The following PRR16 variants were observed in gnomAD, a reference collection of about 807,000 sequenced individuals.
PRR16 encodes proline rich 16.
A neutral mutation model predicts 18.2 loss-of-function variants in PRR16; 6 were observed. That is an observed-to-expected ratio of 0.33 (90% confidence interval 0.18 to 0.65). The LOEUF (loss-of-function observed/expected upper bound fraction) is 0.65. Among genes scored for constraint, PRR16 ranks in the 30% least tolerant of loss-of-function variants. PRR16 has a pLI of 0.74. For missense variants in PRR16, 412 were observed against 376.6 expected, an observed-to-expected ratio of 1.09 and a Z score of -0.78; for synonymous variants, 151 against 147.8, an observed-to-expected ratio of 1.02 and a Z score of -0.16.
chr5:120,628,334 T>C (rs775037469), intron 1 of PRR16, among the ~76,000 whole-genome samples: 1 of 152,084 alleles, frequency 6.6e-6, no homozygotes, highest in Non-Finnish European at 1.5e-5. Context: ...TTTTTAGATA[T>C]AAGTGAGACT....
intron 1 of PRR16, among the ~76,000 whole-genome samples, chr5:120,516,096 C>A (rs1750979611): frequency 6.6e-6 from 1 of 152,056 alleles, no homozygotes; most frequent in East Asian, 1.9e-4. Context: ...TGAAAATTTT[C>A]TGCTAGAAAG....
At chr5:120,487,606 G>T (rs1749857030) in intron 1 of PRR16, among the ~76,000 whole-genome samples, 1 of 152,148 alleles carries the variant, frequency 6.6e-6, no homozygotes, top group African/African-American at 2.4e-5. Context: ...GGGACAATTT[G>T]ACTTCCTCTT....
chr5:120,760,505 C>T, the PRR16 span, among the ~76,000 whole-genome samples: 1 of 151,878 alleles, frequency 6.6e-6, no homozygotes, highest in African/African-American at 2.4e-5. Context: ...AAACAAGAAA[C>T]CCCTTGTTTT....
At chr5:120,748,701 G>A in the PRR16 span, among the ~76,000 whole-genome samples, 1 of 152,004 alleles carries the variant, frequency 6.6e-6, no homozygotes, top group African/African-American at 2.4e-5. Context: ...CATTTAATAG[G>A]TAACATGTCA....
chr5:120,561,535 A>G (rs906800849), intron 1 of PRR16, among the ~76,000 whole-genome samples: 77 of 152,276 alleles, frequency 5.1e-4, no homozygotes, highest in African/African-American at 1.8e-3. Context: ...GTTCCCTAAC[A>G]TACAGTCTGT....
At chr5:120,730,051 A>G in the PRR16 span, among the ~76,000 whole-genome samples, 30,851 of 152,086 alleles carry the variant, frequency 0.2, 3,839 homozygotes, top group Non-Finnish European at 0.27. Context: ...TGAGACGTCA[A>G]CCAGAAATGT....
the PRR16 span, among the ~76,000 whole-genome samples, chr5:120,718,366 G>C: frequency 6.6e-6 from 1 of 152,068 alleles, no homozygotes; most frequent in African/African-American, 2.4e-5. Context: ...TCTGGGAATG[G>C]TGGTTCAGGA....
intron 1 of PRR16, among the ~76,000 whole-genome samples, chr5:120,662,978 C>A (rs982254292): frequency 2.0e-4 from 30 of 152,142 alleles, no homozygotes; most frequent in Admixed American, 1.7e-3. Context: ...AAATGTCTTT[C>A]TGTGTTGTAT....
the PRR16 span, among the ~76,000 whole-genome samples, chr5:120,759,462 T>C: frequency 6.6e-6 from 1 of 152,068 alleles, no homozygotes; most frequent in Non-Finnish European, 1.5e-5. Flanking sequence ...TATAACATTA[T>C]ATGAAAAAGC....
At chr5:120,555,361 C>T (rs1752375093) in intron 1 of PRR16, among the ~76,000 whole-genome samples, 1 of 151,910 alleles carries the variant, frequency 6.6e-6, no homozygotes, top group South Asian at 2.1e-4. Context: ...ATAATATAAA[C>T]CGTGTGGCTT....
intron 1 of PRR16, among the ~76,000 whole-genome samples, chr5:120,556,239 T>TG (rs1310082747): frequency 2.0e-5 from 3 of 149,494 alleles, no homozygotes; most frequent in Admixed American, 1.3e-4. Context: ...CATTGTTTTT[T>TG]TTTTTTTTTT....
At chr5:120,629,289 A>G (rs1754978290) in intron 1 of PRR16, among the ~76,000 whole-genome samples, 1 of 152,054 alleles carries the variant, frequency 6.6e-6, no homozygotes, top group Non-Finnish European at 1.5e-5. Flanking sequence ...GTGCATGTGT[A>G]TTCATGGTAG....
chr5:120,531,020 A>G (rs1751533524), intron 1 of PRR16, among the ~76,000 whole-genome samples: 3 of 152,208 alleles, frequency 2.0e-5, no homozygotes, highest in African/African-American at 4.8e-5. Context: ...TTGAAATATT[A>G]AAGATATGCA....
the PRR16 span, chr5:120,781,356 G>C: frequency 6.6e-6 from 1 of 152,260 alleles, no homozygotes. Flanking sequence ...GAAACGGGTA[G>C]ACCTGGGTAT....
chr5:120,741,355 C>T, the PRR16 span, among the ~76,000 whole-genome samples: 4 of 152,260 alleles, frequency 2.6e-5, no homozygotes, highest in African/African-American at 9.6e-5. Flanking sequence ...GCACCTGCTA[C>T]TCAACCCAGC....
At chr5:120,691,242 C>T (rs1352906789), downstream of PRR16, among the ~76,000 whole-genome samples, 1 of 152,152 alleles carries the variant, frequency 6.6e-6, no homozygotes, top group Non-Finnish European at 1.5e-5. Context: ...TTGTGTTCTT[C>T]ATAGCCCCGA....
At chr5:120,492,809 T>C (rs1338993193) in intron 1 of PRR16, among the ~76,000 whole-genome samples, 1 of 152,138 alleles carries the variant, frequency 6.6e-6, no homozygotes, top group Non-Finnish European at 1.5e-5. Flanking sequence ...GGACATATGG[T>C]ATTTGGTTTT....
At chr5:120,705,015 A>G in the PRR16 span, among the ~76,000 whole-genome samples, 3 of 152,062 alleles carry the variant, frequency 2.0e-5, no homozygotes, top group Admixed American at 2.0e-4. Flanking sequence ...TGGGAAATAT[A>G]TGACTTCCAT....
chr5:120,648,185 T>C (rs1280578497), intron 1 of PRR16, among the ~76,000 whole-genome samples: 2 of 152,160 alleles, frequency 1.3e-5, no homozygotes, highest in Non-Finnish European at 2.9e-5. Context: ...TTTTAAATCA[T>C]GGCTTCTATT....
Sources: allele counts gnomAD v4.1 joint callset (sites outside exome capture counted in the v4.1 genomes callset), GRCh38; gene constraint gnomAD v4.1.1; transcripts MANE v1.5; gene names NCBI Gene and HGNC (gene_info 2026-07-23, HGNC 2026-07-21).